MYO16: variants seen among roughly 807,000 people sequenced by gnomAD.
MYO16 encodes the protein myosin XVI.
MYO16 carries 94 observed loss-of-function variants against 205.3 expected under a neutral mutation model. The ratio of observed to expected loss-of-function variants is 0.46; its 90% confidence interval spans 0.39 to 0.54. MYO16 has a LOEUF of 0.54. Among genes scored for constraint, MYO16 ranks in the 20% least tolerant of loss-of-function variants. The pLI, the probability that MYO16 is intolerant of heterozygous loss-of-function variation, is 0.00. For missense variants in MYO16, 2,315 were observed against 2,387.5 expected (o/e 0.97, Z 0.63); for synonymous variants, 988 against 954.0 (o/e 1.04, Z -0.66).
At chr13:109,017,517 G>A (rs277858) in intron 22 of MYO16, among the ~76,000 whole-genome samples, 2,395 of 152,218 alleles carry the variant, frequency 0.016, 72 homozygotes, top group African/African-American at 0.056. Flanking sequence ...GGCCTGCCTT[G>A]CTCGGTTGGG....
chr13:109,145,836 G>A (rs1199592770), intron 32 of MYO16, among the ~76,000 whole-genome samples: 2 of 152,182 alleles, frequency 1.3e-5, no homozygotes, highest in African/African-American at 4.8e-5. Flanking sequence ...TCTACTCACT[G>A]AAAAAGATCA....
chr13:108,633,070 G>A (rs1032439328), intron 1 of MYO16, among the ~76,000 whole-genome samples: 2 of 152,038 alleles, frequency 1.3e-5, no homozygotes, highest in Non-Finnish European at 2.9e-5. Context: ...AGCATTGTTT[G>A]CAGCAGGAGG....
At position 108,666,001 on chromosome 13, in the gene MYO16, G is replaced by A; in HGVS notation, c.144G>A (p.Glu48=). The change falls in exon 2 of 35, where the codon GAG becomes GAA. Residue 48 remains glutamate (E), a synonymous_variant. Coordinates refer to ENST00000457511, the MANE Select transcript of MYO16 (RefSeq NM_001198950.3). ...RQRLVKRMRC[E]QIKAYYEREK... is the part of the protein sequence containing the mutation. Reference sequence around the variant, plus strand: ...GTCTAGTGAAGCGCATGCGCTGTGAGCAAATCAAAGCCTACTATGAGCGCG... The same window carrying A: ...GTCTAGTGAAGCGCATGCGCTGTGAACAAATCAAAGCCTACTATGAGCGCG... 6.2e-7 allele frequency: 1 copy of A among 1,614,140 alleles called. No homozygotes were observed. The highest frequency in any genetic ancestry group is 8.5e-7 in the Non-Finnish European group (1 of 1,179,996).
chr13:108,806,355 G>A (rs114344570), intron 6 of MYO16, among the ~76,000 whole-genome samples: 1 of 152,156 alleles, frequency 6.6e-6, no homozygotes, highest in Non-Finnish European at 1.5e-5. Context: ...GCAAGAAGTG[G>A]TAAGCTTTTC....
Position 108,819,259 on chromosome 13 carries a change from A to G in MYO16, c.868-1078A>G, listed in dbSNP as rs540247309. Among the ~76,000 whole-genome samples the G allele has an allele frequency of 2.4e-4, 37 of 152,320 alleles. 1 individual carries two copies. The South Asian group carries it at 7.0e-3, about 29-fold the overall frequency. ...GGTGGATCAATTGTGATATATTTGT[A>G]CAATACTATTCCATGCAGCCAAAAG... On this transcript the variant is annotated intron_variant, in intron 7 of 34. Coordinates refer to ENST00000457511, the MANE Select transcript of MYO16 (RefSeq NM_001198950.3).
At chr13:108,739,993 A>G (rs1001902734) in intron 4 of MYO16, among the ~76,000 whole-genome samples, 1 of 152,186 alleles carries the variant, frequency 6.6e-6, no homozygotes, top group Non-Finnish European at 1.5e-5. Flanking sequence ...CCATCAGGTC[A>G]TTTAAGGACT....
At chr13:108,719,252 C>G (rs562969915) in intron 3 of MYO16, among the ~76,000 whole-genome samples, 1 of 152,264 alleles carries the variant, frequency 6.6e-6, no homozygotes, top group East Asian at 1.9e-4. Context: ...CCACTGGTAA[C>G]AAAATCTTTC....
intron 4 of MYO16, among the ~76,000 whole-genome samples, chr13:108,735,179 T>C (rs1052070270): frequency 2.0e-5 from 3 of 152,114 alleles, no homozygotes; most frequent in African/African-American, 4.8e-5. Context: ...TTGTTACATA[T>C]GTATACATGT....
chr13:108,840,820 C>A (rs768104982), intron 9 of MYO16, among the ~76,000 whole-genome samples: 2 of 152,048 alleles, frequency 1.3e-5, no homozygotes, highest in African/African-American at 4.8e-5. Flanking sequence ...ATTCTTAAAA[C>A]CATAAAACAG....
intron 1 of MYO16, among the ~76,000 whole-genome samples, chr13:108,608,231 G>A (rs1879033898): frequency 6.6e-6 from 1 of 152,190 alleles, no homozygotes; most frequent in African/African-American, 2.4e-5. Context: ...GCATGCATCA[G>A]GGCCTGTTAT....
intron 4 of MYO16, among the ~76,000 whole-genome samples, chr13:108,781,363 G>T (rs1306611310): frequency 2.6e-5 from 4 of 152,204 alleles, no homozygotes; most frequent in Non-Finnish European, 5.9e-5. Context: ...TAGATGAATG[G>T]CAGATAGCTG....
In MYO16 at chr13:108,974,568, T is replaced by A. The variant is rs560186313; in HGVS notation, c.2369+9666T>A. On this transcript the variant is annotated intron_variant, in intron 20 of 34. Transcript: ENST00000457511. Reference sequence around the variant, plus strand: ...AATGTTGTTCATAGTCTCCTTTTAGTTCTTGAGGATTTTTAAGGCTAAGTC... The same window carrying A: ...AATGTTGTTCATAGTCTCCTTTTAGATCTTGAGGATTTTTAAGGCTAAGTC... Among the ~76,000 whole-genome samples, 30 of 152,326 alleles carry A rather than the reference T, an allele frequency of 2.0e-4. No homozygotes were observed. In the South Asian group the frequency reaches 6.2e-3, roughly 32 times the overall value.
At chr13:108,865,735 G>T (rs921447859) in intron 11 of MYO16, among the ~76,000 whole-genome samples, 9 of 151,706 alleles carry the variant, frequency 5.9e-5, no homozygotes, top group African/African-American at 2.2e-4. Context: ...CTTTTTAATT[G>T]AAACAAAGTA....
intron 25 of MYO16, among the ~76,000 whole-genome samples, chr13:109,052,845 C>A (rs1024197201): frequency 2.0e-5 from 3 of 152,080 alleles, no homozygotes; most frequent in Non-Finnish European, 4.4e-5. Flanking sequence ...CTTCAGATAA[C>A]TGAGGTCTCT....
At chr13:109,001,156 A>C (rs1315302457) in intron 21 of MYO16, among the ~76,000 whole-genome samples, 1 of 151,362 alleles carries the variant, frequency 6.6e-6, no homozygotes, top group Non-Finnish European at 1.5e-5. Context: ...GATTCCTTTA[A>C]GAAATAGTAA....
chr13:108,733,863 G>A (rs1057168751), intron 4 of MYO16, among the ~76,000 whole-genome samples: 3 of 152,178 alleles, frequency 2.0e-5, no homozygotes, highest in African/African-American at 7.2e-5. Flanking sequence ...CAGCTACTCG[G>A]GAGGCTGAGG....
intron 29 of MYO16, among the ~76,000 whole-genome samples, chr13:109,124,139 C>T (rs1249557809): frequency 6.6e-6 from 1 of 152,202 alleles, no homozygotes; most frequent in East Asian, 1.9e-4. Flanking sequence ...TTTCATGAGG[C>T]AGCCTGATCC....
chr13:108,819,896 G>A (rs1211050351), intron 7 of MYO16, among the ~76,000 whole-genome samples: 2 of 152,080 alleles, frequency 1.3e-5, no homozygotes, highest in African/African-American at 4.8e-5. Context: ...ATGTACTTTC[G>A]GGTTATATTA....
At chr13:108,645,179 C>T (rs1571073) in intron 1 of MYO16, among the ~76,000 whole-genome samples, 25,981 of 152,128 alleles carry the variant, frequency 0.17, 2,781 homozygotes, top group Non-Finnish European at 0.24. Flanking sequence ...CAAGACTGAT[C>T]ATATAATAAA....
Sources: allele counts gnomAD v4.1 joint callset (sites outside exome capture counted in the v4.1 genomes callset), GRCh38; gene constraint gnomAD v4.1.1; transcripts MANE v1.5; gene names NCBI Gene and HGNC (gene_info 2026-07-23, HGNC 2026-07-21).